AKR1C3: variants seen among roughly 807,000 people sequenced by gnomAD.
The protein encoded by AKR1C3 is 3-alpha hydroxysteroid dehydrogenase, type II.
A neutral mutation model predicts 43.6 loss-of-function variants in AKR1C3; 48 were observed. The observed-to-expected ratio is 1.10, with a 90% confidence interval of 0.87 to 1.40. The LOEUF is 1.40. AKR1C3 is among the 40% of genes most tolerant of loss of function. AKR1C3 has a pLI of 0.00. For synonymous variants in AKR1C3, 162 were observed against 139.6 expected (o/e 1.16, Z -1.13); for missense variants, 482 against 391.2 (o/e 1.23, Z -1.96).
intron 7 of AKR1C3, among the ~76,000 whole-genome samples, chr10:5,104,247 A>G (rs1839438352): frequency 6.6e-6 from 1 of 152,172 alleles, no homozygotes; most frequent in African/African-American, 2.4e-5. Context: ...CTTATAAATT[A>G]GTTGTAAATT....
chr10:5,094,643 C>A, intron 1 of AKR1C3, 115 bp downstream of exon 1: 1 of 1,118,324 alleles, frequency 8.9e-7, no homozygotes, highest in Non-Finnish European at 1.3e-6. Context: ...ACTCACTGGT[C>A]TAGGTTTCCT....
chr10:5,076,533 A>AAT (rs1838717827), intron 1 of AKR1C3, among the ~76,000 whole-genome samples: 1 of 152,192 alleles, frequency 6.6e-6, no homozygotes, highest in African/African-American at 2.4e-5. Flanking sequence ...AAAATTTTGC[A>AAT]GTTTCCAATG....
At chr10:5,097,821 T>G (rs1171397032) in intron 3 of AKR1C3, 2 of 1,184,192 alleles carry the variant, frequency 1.7e-6, no homozygotes, top group Non-Finnish European at 1.1e-6. Flanking sequence ...GGCACTGTCT[T>G]AGTTGTGGCT....
chr10:5,071,774 T>C (rs1554781342), intron 1 of AKR1C3, among the ~76,000 whole-genome samples: 1 of 152,176 alleles, frequency 6.6e-6, no homozygotes, highest in East Asian at 1.9e-4. Context: ...TTCCCTTAGT[T>C]CCAGTTAGCA....
intron 1 of AKR1C3, among the ~76,000 whole-genome samples, chr10:5,087,109 T>G (rs1554783232): frequency 6.6e-6 from 1 of 152,156 alleles, no homozygotes; most frequent in Non-Finnish European, 1.5e-5. Flanking sequence ...ATCCTGTCAT[T>G]ATGATGTTAG....
upstream of AKR1C3, among the ~76,000 whole-genome samples, chr10:5,091,860 C>T (rs1320310669): frequency 3.3e-5 from 5 of 152,068 alleles, no homozygotes; most frequent in African/African-American, 9.7e-5. Flanking sequence ...CGTATTTTCA[C>T]ATTTTGCCAT....
intron 1 of AKR1C3, among the ~76,000 whole-genome samples, chr10:5,088,382 G>A (rs1321387571): frequency 5.3e-5 from 8 of 151,350 alleles, no homozygotes; most frequent in Non-Finnish European, 1.0e-4. Context: ...TTTTTTGGCT[G>A]ATTTTCTGTC....
At chr10:5,102,393 C>T (rs1298539150) in intron 6 of AKR1C3, 92 bp from the exon 7 acceptor site, 50 of 1,558,596 alleles carry the variant, frequency 3.2e-5, no homozygotes, top group African/African-American at 4.1e-5. Context: ...TGAGAAGCTC[C>T]GGTGCAGAGT....
At chr10:5,051,850 T>C (rs1838160026) in intron 1 of AKR1C3, among the ~76,000 whole-genome samples, 1 of 152,224 alleles carries the variant, frequency 6.6e-6, no homozygotes, top group Non-Finnish European at 1.5e-5. Context: ...ATTTGTTTTC[T>C]TTGAAATAAT....
intron 1 of AKR1C3, among the ~76,000 whole-genome samples, chr10:5,078,397 T>C (rs1009146773): frequency 8.5e-5 from 13 of 152,200 alleles, no homozygotes; most frequent in African/African-American, 3.1e-4. Flanking sequence ...TGAACTGATA[T>C]TGCACCACTG....
intron 1 of AKR1C3, among the ~76,000 whole-genome samples, chr10:5,067,361 T>A (rs1216245284): frequency 6.6e-6 from 1 of 152,202 alleles, no homozygotes; most frequent in Non-Finnish European, 1.5e-5. Flanking sequence ...GAAATTTCCC[T>A]GGTTAGTTTT....
Position 5,086,203 on chromosome 10 carries a change from G to A in AKR1C3, c.85-10207G>A, listed in dbSNP as rs377704979. Reference sequence around the variant, plus strand: ...TTTTACATCTTTCCTGCTTTGTCTTGTGGGCATTTAGTGCTATAAATTTCC... The same window carrying A: ...TTTTACATCTTTCCTGCTTTGTCTTATGGGCATTTAGTGCTATAAATTTCC... On this transcript the variant is annotated intron_variant, in intron 1 of 8. Coordinates refer to the AKR1C3 transcript ENST00000439082. Among the ~76,000 whole-genome samples, 37 of 151,802 alleles carry A rather than the reference G, an allele frequency of 2.4e-4. 2 individuals carry two copies. The highest frequency in any genetic ancestry group is 1.5e-3 in the East Asian group (8 of 5,178).
At chr10:5,073,191 T>C (rs1010147904) in intron 1 of AKR1C3, among the ~76,000 whole-genome samples, 12 of 152,148 alleles carry the variant, frequency 7.9e-5, no homozygotes, top group African/African-American at 2.9e-4. Context: ...CTCGAACCCT[T>C]GTCCTCATGA....
chr10:5,074,978 C>G (rs1326172834), intron 1 of AKR1C3, among the ~76,000 whole-genome samples: 1 of 152,114 alleles, frequency 6.6e-6, no homozygotes. Context: ...CCGCCCTTTC[C>G]CCTTTAAATT....
intron 1 of AKR1C3, among the ~76,000 whole-genome samples, chr10:5,050,873 ATAAAG>A (rs1251167308): frequency 3.3e-5 from 5 of 152,238 alleles, no homozygotes; most frequent in Admixed American, 3.3e-4. Flanking sequence ...TAGGTAATAA[ATAAAG>A]TAATAAAAGA....
rs1554785573 is a variant in AKR1C3 at position 5,098,936 on chromosome 10, C to T, written c.447+57C>T. On this transcript the variant is annotated intron_variant, in intron 4 of 8. Transcript: ENST00000380554. ...GATGACAAAAAGAGAAAATCTGTTT[C>T]CCAGGTTCAATAGGAAAGAATGGAA... 9 of 1,422,584 alleles carry T rather than the reference C, an allele frequency of 6.3e-6. No individual in the cohort carries two copies. In the East Asian group the frequency reaches 1.1e-4, roughly 18 times the overall value. The allele number at this position is 1,422,584 out of a possible 1,614,324, so 88.1% of individuals were successfully genotyped here.
At chr10:5,075,133 C>T (rs1838686710) in intron 1 of AKR1C3, among the ~76,000 whole-genome samples, 1 of 152,148 alleles carries the variant, frequency 6.6e-6, no homozygotes, top group Admixed American at 6.5e-5. Context: ...CAGGCCTCCT[C>T]TTTTCTCCCT....
At chr10:5,064,472 G>A (rs1219298184) in intron 1 of AKR1C3, among the ~76,000 whole-genome samples, 1 of 152,116 alleles carries the variant, frequency 6.6e-6, no homozygotes, top group Admixed American at 6.5e-5. Context: ...ATAGGCCCTG[G>A]CAAAGATTTC....
intron 1 of AKR1C3, chr10:5,077,934 A>G (rs1554781987): frequency 3.1e-6 from 2 of 645,092 alleles, no homozygotes; most frequent in Non-Finnish European, 2.7e-6. Flanking sequence ...TCATCAAATG[A>G]ATCTTCAGCC....
Sources: gnomAD v4.1 joint callset for allele counts (sites outside exome capture counted in the v4.1 genomes callset) on GRCh38, gnomAD v4.1.1 for gene constraint, MANE v1.5 for transcripts, NCBI Gene and HGNC (gene_info 2026-07-23, HGNC 2026-07-21) for gene names.